The following TBC1D24 variants were observed in gnomAD, a reference collection of about 807,000 sequenced individuals.
The protein encoded by TBC1D24 is Infantile myoclonic epilepsy.
A neutral mutation model predicts 50.7 loss-of-function variants in TBC1D24; 47 were observed. That is an observed-to-expected ratio of 0.93 (90% CI 0.73 to 1.18). TBC1D24 has a LOEUF of 1.18. TBC1D24 is among the 50% of genes most tolerant of loss of function. TBC1D24 has a pLI of 0.00. For missense variants in TBC1D24, 688 were observed against 766.5 expected (o/e 0.90, Z 1.21); for synonymous variants, 324 against 335.2 (o/e 0.97, Z 0.36).
rs759817805 is a variant in TBC1D24 at position 2,498,245 on chromosome 16, G to A, written c.991G>A (p.Val331Ile). The change falls in exon 4 of 8, where the codon GTA becomes ATA. Residue 331 changes from valine (V) to isoleucine (I), a missense_variant. Coordinates refer to ENST00000646147, the MANE Select transcript of TBC1D24 (RefSeq NM_001199107.2). ...KSVSLSKRQF[V>I]HLAVHAENFR... ...CCTGCTCGCTCCCCTCAGGCAGTTT[G>A]TACACTTGGCCGTCCATGCAGAGAA... The A allele has an allele frequency of 2.5e-6, 4 of 1,608,246 alleles. No homozygotes were observed. In the African/African-American group the frequency reaches 4.0e-5, roughly 16 times the overall value.
chr16:2,500,761 C>T lies in TBC1D24; in HGVS notation c.1526-43C>T. On this transcript the variant is annotated intron_variant, in intron 7 of 7. Transcript: ENST00000646147. The surrounding 1 kb of genome is among the most constrained non-coding windows in gnomAD (Gnocchi z 8.0). Reference sequence around the variant, plus strand: ...AGCAGGTGAGGTGCCTGGGTCAGTGCTGATAGGGCAGTCAGGCCGCCACTG... The same window carrying T: ...AGCAGGTGAGGTGCCTGGGTCAGTGTTGATAGGGCAGTCAGGCCGCCACTG... 2 of 1,575,878 alleles carry T rather than the reference C, an allele frequency of 1.3e-6. No homozygotes were observed. The highest frequency in any genetic ancestry group is 1.7e-6 in the Non-Finnish European group (2 of 1,167,248).
At position 2,499,385 on chromosome 16, in the gene TBC1D24, C is replaced by T; in HGVS notation, c.1171C>T (p.Pro391Ser). 6.2e-7 allele frequency: 1 copy of T among 1,613,642 alleles called. No homozygotes were observed. Among genetic ancestry groups the T allele is most frequent in the South Asian group, 1.1e-5 (1 of 90,978 alleles). The change falls in exon 5 of 8, where the codon CCT becomes TCT. Residue 391 changes from proline to serine, a missense_variant. Coordinates refer to ENST00000646147, the MANE Select transcript of TBC1D24 (RefSeq NM_001199107.2). This position sits in a 1 kb window ranked among gnomAD's most constrained non-coding sequence, Gnocchi z 4.0. The stretch of plus-strand genomic sequence containing the variant: ...CTACTTCCAGTGTGAAGGACATGAG[C>T]CTACCCTCTTGCTCATCAAGACCAC... ...RFYFQCEGHE[P>S]TLLLIKTTQK...
Position 2,500,907 on chromosome 16 carries a change from C to T in TBC1D24, c.1629C>T (p.Phe543=). 1.2e-6 allele frequency: 2 copies of T among 1,613,166 alleles called. No homozygotes were observed. Among genetic ancestry groups the T allele is most frequent in the Non-Finnish European group, 1.7e-6 (2 of 1,179,962 alleles). The part of the protein sequence containing the change: ...FNNQPLCSEN[F]LIAAVEAWGF... Reference sequence around the variant, plus strand: ...ACCAGCCCCTCTGCTCCGAGAACTTCCTCATTGCTGCCGTGGAGGCCTGGG... The same window carrying T: ...ACCAGCCCCTCTGCTCCGAGAACTTTCTCATTGCTGCCGTGGAGGCCTGGG... Residue 543 remains phenylalanine, a synonymous_variant, in exon 8 of 8, where the codon TTC becomes TTT. Transcript: ENST00000646147. The surrounding 1 kb of genome is among the most constrained non-coding windows in gnomAD (Gnocchi z 8.0).
chr16:2,489,313 TCCC>T (rs910787650), intron 1 of TBC1D24, among the ~76,000 whole-genome samples: 4 of 151,750 alleles, frequency 2.6e-5, no homozygotes, highest in African/African-American at 9.7e-5. Flanking sequence ...GCGTCTGTAG[TCCC>T]AGCTACTCGG....
chr16:2,498,783 A>G (rs925400471), intron 4 of TBC1D24, among the ~76,000 whole-genome samples: 2 of 152,166 alleles, frequency 1.3e-5, no homozygotes, highest in Non-Finnish European at 2.9e-5. Context: ...TGGTGCTGCC[A>G]GGTGCAGCCA....
intron 1 of TBC1D24, chr16:2,481,992 T>C (rs2065613845): frequency 1.3e-5 from 2 of 152,276 alleles, no homozygotes; most frequent in African/African-American, 4.8e-5. Flanking sequence ...GTAGTCACTG[T>C]GGCATGTCGG....
Position 2,487,633 on chromosome 16 carries a change from G to A in TBC1D24, c.-115-8401G>A, listed in dbSNP as rs2065661514. Among the ~76,000 whole-genome samples, 4 of 149,558 alleles carry A rather than the reference G, an allele frequency of 2.7e-5. No homozygotes were observed. The highest frequency in any genetic ancestry group is 2.0e-4 in the Admixed American group (3 of 14,910). Reference sequence around the variant, plus strand: ...GAGTTTTGTGCTGGAGTTTGGTGTTGGAGTTTGGTGTTGGAGTTTGGTGCT... The same window carrying A: ...GAGTTTTGTGCTGGAGTTTGGTGTTAGAGTTTGGTGTTGGAGTTTGGTGCT... On this transcript the variant is annotated intron_variant, in intron 1 of 7. Transcript: ENST00000646147. The surrounding 1 kb of genome is among the most constrained non-coding windows in gnomAD (Gnocchi z 4.1).
rs369600532 is a variant in TBC1D24, at chr16:2,499,804, G to A, written c.1207-31G>A. ...CACAGGGACGCTCCTGGGGGCCTGC[G>A]GGCACAGCCTCACCCAGACCTTTCC... On this transcript the variant is annotated intron_variant, in intron 5 of 7. Transcript: ENST00000646147. The surrounding 1 kb of genome is among the most constrained non-coding windows in gnomAD (Gnocchi z 4.0). The A allele has an allele frequency of 2.1e-5, 34 of 1,594,554 alleles. No individual in the cohort carries two copies. Among genetic ancestry groups the A allele is most frequent in the East Asian group, 1.1e-4 (5 of 44,766 alleles).
Position 2,498,218 on chromosome 16 carries a change from C to T in TBC1D24, c.984-20C>T. The T allele has an allele frequency of 6.3e-7, 1 of 1,590,848 alleles. No individual in the cohort carries two copies. Among genetic ancestry groups the T allele is most frequent in the South Asian group, 1.1e-5 (1 of 87,706 alleles). On this transcript the variant is annotated intron_variant, in intron 3 of 7. Coordinates refer to ENST00000646147, the MANE Select transcript of TBC1D24 (RefSeq NM_001199107.2). ...CCCCAGACGTGCCTTCGGGCTCTGA[C>T]CCCTGCTCGCTCCCCTCAGGCAGTT...
intron 1 of TBC1D24, among the ~76,000 whole-genome samples, chr16:2,490,138 C>T (rs980260816): frequency 2.0e-5 from 3 of 152,192 alleles, no homozygotes; most frequent in Non-Finnish European, 4.4e-5. Flanking sequence ...AGCTGTCACC[C>T]TCCAGACCCA....
Position 2,500,696 on chromosome 16 carries a change from C to T in TBC1D24, c.1526-108C>T, listed in dbSNP as rs1463982466. 19 of 1,446,200 alleles carry T rather than the reference C, an allele frequency of 1.3e-5. No homozygotes were observed. Among genetic ancestry groups the T allele is most frequent in the East Asian group, 7.4e-5 (3 of 40,446 alleles). The allele number at this position is 1,446,200 out of a possible 1,614,324, so 89.6% of individuals were successfully genotyped here. A position where few individuals can be genotyped will look rare whatever the true frequency, so the allele number is the denominator to read the frequency against. On this transcript the variant is annotated intron_variant, in intron 7 of 7. Transcript: ENST00000646147. The surrounding 1 kb of genome is among the most constrained non-coding windows in gnomAD (Gnocchi z 8.0). Reference sequence around the variant, plus strand: ...GGCTATGGAGGGTCAACGGTCTGTGCGGTTTCAGAGAGGCCCGTGCAGGGC... The same window carrying T: ...GGCTATGGAGGGTCAACGGTCTGTGTGGTTTCAGAGAGGCCCGTGCAGGGC...
rs1297661584 is a variant in TBC1D24, at chr16:2,487,934, A to G, written c.-115-8100A>G. Among the ~76,000 whole-genome samples the G allele has an allele frequency of 1.3e-5, 2 of 152,168 alleles. No homozygotes were observed. The highest frequency in any genetic ancestry group is 4.8e-5 in the African/African-American group (2 of 41,450). ...GGGAGATGGAGCAGCAACAGCAGCC[A>G]GCAGCTGTGGGGTTGTGTTCCGCCC... On this transcript the variant is annotated intron_variant, in intron 1 of 7. Coordinates refer to ENST00000646147, the MANE Select transcript of TBC1D24 (RefSeq NM_001199107.2). This position sits in a 1 kb window ranked among gnomAD's most constrained non-coding sequence, Gnocchi z 4.1.
In TBC1D24 at chr16:2,500,164, T is replaced by C; in HGVS notation, c.1303-104T>C. On this transcript the variant is annotated intron_variant, in intron 6 of 7. Transcript: ENST00000646147. This position sits in a 1 kb window ranked among gnomAD's most constrained non-coding sequence, Gnocchi z 8.0. ...GCCCCTGGCTCGGGCTGCACCCACC[T>C]TGGGCTCTGGGTGCAGATTCACGGG... is the stretch of plus-strand genomic sequence containing the variant. 2 of 1,242,394 alleles carry C rather than the reference T, an allele frequency of 1.6e-6. No homozygotes were observed. Among genetic ancestry groups the C allele is most frequent in the African/African-American group, 1.5e-5 (1 of 67,248 alleles). 77.0% of individuals were successfully genotyped at this position (1,242,394 alleles called of 1,614,324 possible).
chr16:2,500,688 G>A lies in TBC1D24; in HGVS notation c.1526-116G>A, dbSNP rs907693190. 78 of 1,425,500 alleles carry A rather than the reference G, an allele frequency of 5.5e-5. No individual in the cohort carries two copies. In the South Asian group the frequency reaches 9.2e-4, roughly 17 times the overall value. The allele number at this position is 1,425,500 out of a possible 1,614,324, so 88.3% of individuals were successfully genotyped here. A position where few individuals can be genotyped will look rare whatever the true frequency, so the allele number is the denominator to read the frequency against. On this transcript the variant is annotated intron_variant, in intron 7 of 7. Coordinates refer to ENST00000646147, the MANE Select transcript of TBC1D24 (RefSeq NM_001199107.2). This position sits in a 1 kb window ranked among gnomAD's most constrained non-coding sequence, Gnocchi z 8.0. ...GTCCTGGGGGCTATGGAGGGTCAAC[G>A]GTCTGTGCGGTTTCAGAGAGGCCCG...
chr16:2,491,429 G>A (rs915520453), intron 1 of TBC1D24, among the ~76,000 whole-genome samples: 1 of 151,384 alleles, frequency 6.6e-6, no homozygotes, highest in East Asian at 1.9e-4. Context: ...CTGTCACCCA[G>A]GCTGGATGGA....
At position 2,500,572 on chromosome 16, in the gene TBC1D24, G is replaced by A. The variant is rs567757301; in HGVS notation, c.1525+82G>A. 1.6e-5 allele frequency: 23 copies of A among 1,445,402 alleles called. No homozygotes were observed. The highest frequency in any genetic ancestry group is 1.9e-5 in the Non-Finnish European group (20 of 1,073,646). 89.5% of individuals were successfully genotyped at this position (1,445,402 alleles called of 1,614,324 possible). A position where few individuals can be genotyped will look rare whatever the true frequency, so the allele number is the denominator to read the frequency against. ...CTGCTGCACCCAGCCCTCCCTGACC[G>A]GGGTGGCAGAGAAGAGGCCCTGGGT... On this transcript the variant is annotated intron_variant, in intron 7 of 7. Coordinates refer to ENST00000646147, the MANE Select transcript of TBC1D24 (RefSeq NM_001199107.2). The surrounding 1 kb of genome is among the most constrained non-coding windows in gnomAD (Gnocchi z 8.0).
chr16:2,489,535 G>A (rs1033495986), intron 1 of TBC1D24, among the ~76,000 whole-genome samples: 7 of 152,214 alleles, frequency 4.6e-5, no homozygotes, highest in Non-Finnish European at 7.3e-5. Flanking sequence ...CAGGCGTGGC[G>A]TTTATGAGGA....
In TBC1D24 at chr16:2,503,231, G is replaced by C. The variant is rs887739491; in HGVS notation, c.*2273G>C. 2.6e-5 allele frequency: 4 copies of C among 152,160 alleles called. No individual in the cohort carries two copies. The highest frequency in any genetic ancestry group is 4.8e-5 in the African/African-American group (2 of 41,440). The allele number at this position is 152,160 out of a possible 1,614,324, so 9.4% of individuals were successfully genotyped here. A position where few individuals can be genotyped will look rare whatever the true frequency, so the allele number is the denominator to read the frequency against. ...TCATGAGCGAAGTTCTTTGTTTTTTGTGTGCATGCAAAATATTGTTTCTTT... is the reference window on the plus strand; with the variant it reads ...TCATGAGCGAAGTTCTTTGTTTTTTCTGTGCATGCAAAATATTGTTTCTTT... On this transcript the variant is annotated 3_prime_UTR_variant, in exon 8 of 8. Transcript: ENST00000646147.
chr16:2,477,297 G>T (rs1444359989), intron 1 of TBC1D24: 1 of 152,248 alleles, frequency 6.6e-6, no homozygotes, highest in African/African-American at 2.4e-5. Context: ...GTTAAGCGAG[G>T]TGCGGTGGCT....
Sources: allele counts gnomAD v4.1 joint callset (sites outside exome capture counted in the v4.1 genomes callset), GRCh38; gene constraint gnomAD v4.1.1; non-coding constraint Gnocchi (gnomAD v3.1); transcripts MANE v1.5; gene names NCBI Gene and HGNC (gene_info 2026-07-23, HGNC 2026-07-21).